UNC79: variants seen among roughly 807,000 people sequenced by gnomAD.
UNC79 encodes the protein protein unc-79 homolog.
UNC79 carries 37 observed loss-of-function variants against 283.1 expected under a neutral mutation model. That is an observed-to-expected ratio of 0.13 (90% CI 0.10 to 0.17). The LOEUF (loss-of-function observed/expected upper bound fraction) is 0.17. Among genes scored for constraint, UNC79 ranks in the 10% least tolerant of loss-of-function variants. The pLI is 1.00. For synonymous variants in UNC79, 1,107 were observed against 1,200.2 expected, an observed-to-expected ratio of 0.92 and a Z score of 1.61; for missense variants, 2,272 against 3,211.1, an observed-to-expected ratio of 0.71 and a Z score of 7.07.
Position 93,548,208 on chromosome 14 carries a change from C to T in UNC79, c.1755+5512C>T, listed in dbSNP as rs2061697997. ...AGGCAGATTTAGTGTCTGGTGAGGG[C>T]CTACGTTCTGGTTCATAGATAGTGC... On this transcript the variant is annotated intron_variant, in intron 14 of 48. Coordinates refer to ENST00000555664, the Ensembl canonical transcript of UNC79. 2.0e-5 allele frequency among the ~76,000 whole-genome samples: 3 copies of T among 152,088 alleles called. No homozygotes were observed. In the South Asian group the frequency reaches 6.2e-4, roughly 32 times the overall value.
chr14:93,465,297 G>A (rs1285692562), intron 1 of UNC79, among the ~76,000 whole-genome samples: 1 of 152,074 alleles, frequency 6.6e-6, no homozygotes, highest in Non-Finnish European at 1.5e-5. Context: ...AGTGATAAGT[G>A]CTGTTACTAA....
chr14:93,456,889 A>G (rs1244799670), intron 1 of UNC79, among the ~76,000 whole-genome samples: 2 of 152,136 alleles, frequency 1.3e-5, no homozygotes, highest in East Asian at 1.9e-4. Flanking sequence ...ATCTCACTCC[A>G]TCCTTGAAGA....
exon 33 of UNC79, chr14:93,641,222 G>C (rs1429921026): frequency 6.2e-7 from 1 of 1,613,310 alleles, no homozygotes; most frequent in Non-Finnish European, 8.5e-7. Context: ...GTTCACTGAC[G>C]AGCAGCCGAC....
chr14:93,662,618 A>T, exon 40 of UNC79: 1 of 1,606,340 alleles, frequency 6.2e-7, no homozygotes, highest in Non-Finnish European at 8.5e-7. Context: ...TGTTGGAACC[A>T]TTTTCAAAAC....
At chr14:93,407,106 C>T (rs1595439319) in intron 1 of UNC79, among the ~76,000 whole-genome samples, 2 of 152,248 alleles carry the variant, frequency 1.3e-5, no homozygotes, top group South Asian at 4.1e-4. Context: ...CATCTCCTCT[C>T]TTTTTATGGG....
Position 93,692,687 on chromosome 14 carries a change from G to A in UNC79, c.7470+741G>A, listed in dbSNP as rs115232598. On this transcript the variant is annotated intron_variant, in intron 46 of 48. Coordinates refer to ENST00000555664, the Ensembl canonical transcript of UNC79. ...AAATCCAGTACTGTTGAATGTAGAC[G>A]GCTACCAAGAAAGGGGCTGTTCCAG... Among the ~76,000 whole-genome samples the A allele has an allele frequency of 6.6e-3, 1,002 of 152,288 alleles. 16 individuals carry two copies. The highest frequency in any genetic ancestry group is 0.023 in the African/African-American group (949 of 41,568).
In UNC79 at chr14:93,622,854, C is replaced by T. The variant is rs1256532882; in HGVS notation, c.5608+13C>T. On this transcript the variant is annotated intron_variant, in intron 30 of 48. Coordinates refer to ENST00000555664, the Ensembl canonical transcript of UNC79. ...CAGAAAGATCCAGGTAAGCTCGCCT[C>T]TCTTCTTTCTCTCAGCCTTAACTTT... 3.1e-6 allele frequency: 5 copies of T among 1,605,908 alleles called. No homozygotes were observed. The East Asian group carries it at 1.1e-4, about 36-fold the overall frequency.
chr14:93,431,181 G>C (rs1384682142), intron 1 of UNC79, 130 bp downstream of exon 1: 2 of 439,502 alleles, frequency 4.6e-6, no homozygotes, highest in Admixed American at 3.6e-5. Flanking sequence ...TGGGGCGGGT[G>C]GGGGGTGGCG....
chr14:93,357,811 A>ATATATATATGGATATATGGATATG (rs767813035), intron 1 of UNC79, among the ~76,000 whole-genome samples: 5,710 of 70,398 alleles, frequency 0.081, 519 homozygotes, highest in East Asian at 0.29. Flanking sequence ...ATATATGGAT[A>ATATATATATGGATATATGGATATG]TATATATATG....
chr14:93,356,334 A>G (rs572202450), intron 1 of UNC79, among the ~76,000 whole-genome samples: 55 of 152,190 alleles, frequency 3.6e-4, no homozygotes, highest in African/African-American at 1.3e-3. Flanking sequence ...AGCCACTTCT[A>G]TTTCACTCTT....
In UNC79 at chr14:93,404,511, T is replaced by TATATATATATATATAA. The variant is rs1342806157; in HGVS notation, c.-350-63157_-350-63156insTATATATATATAAATA. The stretch of plus-strand genomic sequence containing the variant: ...TAAAAAAAATATATATATATATATA[T>TATATATATATATATAA]ATAAATATATACATATTATATATTA... On this transcript the variant is annotated intron_variant, in intron 1 of 49. Transcript: ENST00000256339. 7.7e-5 allele frequency among the ~76,000 whole-genome samples: 9 copies of TATATATATATATATAA among 117,180 alleles called. 1 individual carries two copies. The highest frequency in any genetic ancestry group is 1.6e-4 in the Non-Finnish European group (9 of 55,670). The allele number at this position is 117,180 out of a possible 152,430, so 76.9% of individuals were successfully genotyped here.
chr14:93,704,722 G>T, intron 48 of UNC79, 56 bp downstream of exon 51: 1 of 1,585,396 alleles, frequency 6.3e-7, no homozygotes, highest in Non-Finnish European at 8.7e-7. Flanking sequence ...AACGTATAAC[G>T]TTCCTAGGGA....
chr14:93,442,485 A>G (rs571737785), intron 1 of UNC79, among the ~76,000 whole-genome samples: 39 of 152,286 alleles, frequency 2.6e-4, no homozygotes, highest in African/African-American at 5.5e-4. Context: ...CTGCATGTAT[A>G]TAGAACTATG....
chr14:93,543,052 G>GTAA (rs893554883), intron 14 of UNC79, among the ~76,000 whole-genome samples: 16 of 151,592 alleles, frequency 1.1e-4, no homozygotes, highest in African/African-American at 3.9e-4. Flanking sequence ...AGCCTCTGGA[G>GTAA]TAGCCGGGAA....
At chr14:93,639,037 CA>C (rs1216061368) in intron 32 of UNC79, among the ~76,000 whole-genome samples, 2 of 152,264 alleles carry the variant, frequency 1.3e-5, no homozygotes, top group East Asian at 3.9e-4. Flanking sequence ...ATGCTATTGT[CA>C]AAAACACCTC....
chr14:93,415,550 G>A (rs2055434372), intron 1 of UNC79, among the ~76,000 whole-genome samples: 2 of 151,942 alleles, frequency 1.3e-5, no homozygotes, highest in Admixed American at 1.3e-4. Flanking sequence ...GAGTTAGGGA[G>A]GATTCCCTCT....
At chr14:93,632,687 CAA>C (rs1226006655) in intron 31 of UNC79, among the ~76,000 whole-genome samples, 50 of 128,640 alleles carry the variant, frequency 3.9e-4, no homozygotes, top group African/African-American at 1.2e-3. Context: ...CACCCTGTCT[CAA>C]AAAAAAAAAA....
intron 16 of UNC79, 66 bp from the exon 17 acceptor site, chr14:93,574,992 A>G: frequency 1.3e-6 from 2 of 1,543,802 alleles, no homozygotes; most frequent in Non-Finnish European, 1.7e-6. Flanking sequence ...AGAAGGTTAA[A>G]TATAGCTTTT....
chr14:93,435,735 A>G (rs1300841464), intron 1 of UNC79, among the ~76,000 whole-genome samples: 1 of 152,176 alleles, frequency 6.6e-6, no homozygotes, highest in Non-Finnish European at 1.5e-5. Context: ...TGCCATAACT[A>G]TTCAACACAT....
Sources: allele counts gnomAD v4.1 joint callset (sites outside exome capture counted in the v4.1 genomes callset), GRCh38; gene constraint gnomAD v4.1.1; transcripts MANE v1.5; gene names NCBI Gene and HGNC (gene_info 2026-07-23, HGNC 2026-07-21).